SUCLG2: variants seen among roughly 807,000 people sequenced by gnomAD.
SUCLG2 encodes succinate-CoA ligase GDP-forming subunit beta.
Under a neutral mutation model 47.9 loss-of-function variants are expected in SUCLG2, and 42 were observed. The ratio of observed to expected loss-of-function variants is 0.88; its 90% CI spans 0.69 to 1.14. The LOEUF is 1.14. Among genes scored for constraint, SUCLG2 ranks in the 50% most tolerant of loss-of-function variants. The pLI, the probability that SUCLG2 is intolerant of heterozygous loss-of-function variation, is 0.00. For missense variants in SUCLG2, 571 were observed against 525.9 expected (o/e 1.09, Z -0.84); for synonymous variants, 195 against 197.3 (o/e 0.99, Z 0.10).
At chr3:67,440,091 T>C (rs573459805) in intron 9 of SUCLG2, among the ~76,000 whole-genome samples, 1 of 152,088 alleles carries the variant, frequency 6.6e-6, no homozygotes, top group South Asian at 2.1e-4. Context: ...TCAACAGCCA[T>C]CTGATCTTTG....
intron 2 of SUCLG2, among the ~76,000 whole-genome samples, chr3:67,605,887 T>C (rs911689541): frequency 1.3e-5 from 2 of 152,078 alleles, no homozygotes; most frequent in African/African-American, 4.8e-5. Flanking sequence ...CAATGCAACA[T>C]TGCTCATTCC....
intron 2 of SUCLG2, among the ~76,000 whole-genome samples, chr3:67,583,101 A>C (rs1181064332): frequency 6.6e-6 from 1 of 151,862 alleles, no homozygotes; most frequent in Non-Finnish European, 1.5e-5. Context: ...CTCTCCTCTG[A>C]TGCCTCAGCC....
chr3:67,403,762 T>G (rs1427007018), intron 9 of SUCLG2, among the ~76,000 whole-genome samples: 1 of 152,176 alleles, frequency 6.6e-6, no homozygotes, highest in Non-Finnish European at 1.5e-5. Flanking sequence ...TCACCCAACT[T>G]AGTTCGCTGA....
At chr3:67,577,212 G>A (rs9680952) in intron 2 of SUCLG2, among the ~76,000 whole-genome samples, 40,417 of 152,006 alleles carry the variant, frequency 0.27, 6,168 homozygotes, top group East Asian at 0.42. Context: ...GGAGGCTGAG[G>A]CAGGAGAAAA....
intron 2 of SUCLG2, among the ~76,000 whole-genome samples, chr3:67,606,733 GTCACT>G (rs1368245344): frequency 6.6e-6 from 1 of 152,050 alleles, no homozygotes; most frequent in Non-Finnish European, 1.5e-5. Flanking sequence ...TAAAATATAA[GTCACT>G]TCAATTTCTA....
chr3:67,594,592 C>T (rs1708251034), intron 2 of SUCLG2, among the ~76,000 whole-genome samples: 1 of 152,220 alleles, frequency 6.6e-6, no homozygotes. Context: ...GTATTTCTCA[C>T]AATCTGTCAA....
At chr3:67,606,238 C>T (rs1447915238) in intron 2 of SUCLG2, among the ~76,000 whole-genome samples, 3 of 151,940 alleles carry the variant, frequency 2.0e-5, no homozygotes, top group Non-Finnish European at 4.4e-5. Context: ...AAGTAAAAAG[C>T]ATGGTACACA....
intron 2 of SUCLG2, among the ~76,000 whole-genome samples, chr3:67,536,002 C>A (rs1049875609): frequency 6.6e-6 from 1 of 152,184 alleles, no homozygotes; most frequent in South Asian, 2.1e-4. Flanking sequence ...AAATGAACAG[C>A]TCTGAAACGT....
intron 10 of SUCLG2, among the ~76,000 whole-genome samples, chr3:67,388,102 G>C (rs1218879015): frequency 1.3e-5 from 2 of 152,186 alleles, no homozygotes; most frequent in Non-Finnish European, 2.9e-5. Flanking sequence ...CTGGTTTGCT[G>C]AATCTTCAGA....
At position 67,518,247 on chromosome 3, in the gene SUCLG2, C is replaced by T. The variant is rs1706001780; in HGVS notation, c.660G>A (p.Gln220=). 6.2e-7 allele frequency: 1 copy of T among 1,610,638 alleles called. No homozygotes were observed. The highest frequency in any genetic ancestry group is 8.5e-7 in the Non-Finnish European group (1 of 1,177,948). The change falls in exon 6 of 11, where the codon CAG becomes CAA. Residue 220 remains glutamine (Q), a splice_region_variant and synonymous_variant. Coordinates refer to ENST00000307227, the MANE Select transcript of SUCLG2 (RefSeq NM_003848.4). ...CACCATCCCCCAATGGCTTATATAC[C>T]TGGCTTTTCAAAGGCCCAACGAAGC... ...NLGFVGPLKS[Q]AADQITKLYN... is the part of the protein sequence containing the mutation.
intron 8 of SUCLG2, among the ~76,000 whole-genome samples, chr3:67,496,273 A>G (rs1705336429): frequency 6.6e-6 from 1 of 152,200 alleles, no homozygotes; most frequent in African/African-American, 2.4e-5. Flanking sequence ...TAGGTTCTGC[A>G]AAGTGTAAGC....
intron 9 of SUCLG2, chr3:67,408,862 T>C: frequency 7.0e-7 from 1 of 1,436,486 alleles, no homozygotes; most frequent in Non-Finnish European, 9.1e-7. Flanking sequence ...AAGGCGGTCT[T>C]ACTGTAAAGT....
Position 67,609,587 on chromosome 3 carries a change from A to G in SUCLG2, c.94T>C (p.Leu32=), listed in dbSNP as rs1328159430. 1 of 1,613,372 alleles carries G rather than the reference A, an allele frequency of 6.2e-7. No individual in the cohort carries two copies. The highest frequency in any genetic ancestry group is 8.5e-7 in the Non-Finnish European group (1 of 1,179,826). The change falls in exon 2 of 11, where the codon TTA becomes CTA. Residue 32 remains leucine (L), a synonymous_variant. Transcript: ENST00000307227. ...FLAAGSQAVQ[L]TSRRWLNLQE... ...AGGTTCAGCCATCTTCTGGAGGTTA[A>G]TTGAACTGCCTACAGAAATTGAAGG...
At chr3:67,456,881 T>A (rs1192592943) in intron 9 of SUCLG2, among the ~76,000 whole-genome samples, 1 of 151,984 alleles carries the variant, frequency 6.6e-6, no homozygotes, top group Non-Finnish European at 1.5e-5. Context: ...TCTGGGATGA[T>A]ACACACCAAA....
chr3:67,361,644 T>C (rs1016226232), intron 10 of SUCLG2, among the ~76,000 whole-genome samples: 1 of 152,322 alleles, frequency 6.6e-6, no homozygotes, highest in South Asian at 2.1e-4. Context: ...CCTGCCCACT[T>C]CTCTATTATT....
At chr3:67,651,786 A>C (rs936985557) in intron 1 of SUCLG2, among the ~76,000 whole-genome samples, 2 of 152,220 alleles carry the variant, frequency 1.3e-5, no homozygotes, top group Non-Finnish European at 2.9e-5. Flanking sequence ...AATTATGCCA[A>C]TCAAAAACAC....
intron 9 of SUCLG2, among the ~76,000 whole-genome samples, chr3:67,407,587 A>C (rs1358418203): frequency 6.6e-6 from 1 of 152,240 alleles, no homozygotes; most frequent in East Asian, 1.9e-4. Context: ...GGTTATTGCA[A>C]ATAGTTAAGT....
intron 2 of SUCLG2, among the ~76,000 whole-genome samples, chr3:67,587,534 T>A (rs912607350): frequency 6.6e-6 from 1 of 152,170 alleles, no homozygotes. Context: ...CTTCCAAGAT[T>A]TGAGAAGATG....
At chr3:67,594,929 G>T (rs965819740) in intron 2 of SUCLG2, among the ~76,000 whole-genome samples, 1 of 152,082 alleles carries the variant, frequency 6.6e-6, no homozygotes, top group African/African-American at 2.4e-5. Context: ...ATTTTTAGTT[G>T]TATCAGTCTT....
Sources: gnomAD v4.1 joint callset for allele counts (sites outside exome capture counted in the v4.1 genomes callset) on GRCh38, gnomAD v4.1.1 for gene constraint, MANE v1.5 for transcripts, NCBI Gene and HGNC (gene_info 2026-07-23, HGNC 2026-07-21) for gene names.